The following MYLK3 variants were observed in gnomAD, a reference collection of about 807,000 sequenced individuals.
MYLK3 encodes myosin light chain kinase 3, also known as MLC kinase.
In MYLK3, 55 loss-of-function variants were observed where a neutral mutation model predicts 76.3. The observed-to-expected ratio is 0.72, with a 90% confidence interval of 0.58 to 0.90. MYLK3 has a LOEUF of 0.90. MYLK3 is among the 40% of genes least tolerant of loss of function. The probability of loss-of-function intolerance (pLI) is 0.00; values close to 1 mark genes in which losing one functional copy is unlikely to be tolerated. For missense variants in MYLK3, 973 were observed against 1,053.6 expected (o/e 0.92, Z 1.06); for synonymous variants, 416 against 425.4 (o/e 0.98, Z 0.27).
At chr16:46,723,775 G>A (rs560330213) in intron 8 of MYLK3, among the ~76,000 whole-genome samples, 5 of 150,286 alleles carry the variant, frequency 3.3e-5, no homozygotes, top group Admixed American at 1.3e-4. Context: ...TCAGCCTCCC[G>A]AGTAGCTGGG....
chr16:46,703,075 T>G lies in MYLK3; in HGVS notation c.*4629A>C, dbSNP rs548491424. 6.6e-6 allele frequency among the ~76,000 whole-genome samples: 1 copy of G among 152,202 alleles called. No homozygotes were observed. The highest frequency in any genetic ancestry group is 1.5e-5 in the Non-Finnish European group (1 of 68,008). On this transcript the variant is annotated 3_prime_UTR_variant, in exon 13 of 13. Coordinates refer to ENST00000394809, the MANE Select transcript of MYLK3 (RefSeq NM_182493.3). ...GTTAAGTTTCTTGCATATCCTACGG[T>G]TTTTTAATGCACATATAAGCATATG...
At position 46,740,520 on chromosome 16, in the gene MYLK3, T is replaced by C. The variant is rs969560142; in HGVS notation, c.478-373A>G. ...AATCATTTAAAAATATATACATAAA[T>C]ATATATATATACATACATATATATA... On this transcript the variant is annotated intron_variant, in intron 1 of 12. Coordinates refer to ENST00000394809, the MANE Select transcript of MYLK3 (RefSeq NM_182493.3). Among the ~76,000 whole-genome samples, 168 of 86,154 alleles carry C rather than the reference T, an allele frequency of 1.9e-3. 1 individual carries two copies. The highest frequency in any genetic ancestry group is 6.4e-3 in the African/African-American group (162 of 25,280). 56.5% of individuals were successfully genotyped at this position (86,154 alleles called of 152,430 possible).
At chr16:46,753,039 G>C (rs893493931), upstream of MYLK3, among the ~76,000 whole-genome samples, 6 of 152,180 alleles carry the variant, frequency 3.9e-5, no homozygotes, top group Admixed American at 2.0e-4. Flanking sequence ...ATTGGTGAAT[G>C]AGTGTTATCA....
intron 1 of MYLK3, 105 bp from the exon 2 acceptor site, chr16:46,740,252 G>T: frequency 1.2e-6 from 1 of 833,386 alleles, no homozygotes; most frequent in Non-Finnish European, 2.0e-6. Context: ...AGGGCATTTA[G>T]ATTACTTCAC....
At chr16:46,740,502 T>G (rs950712507) in intron 1 of MYLK3, among the ~76,000 whole-genome samples, 3 of 146,410 alleles carry the variant, frequency 2.0e-5, no homozygotes, top group African/African-American at 7.5e-5. Flanking sequence ...AATAATCATT[T>G]AAAAATATAT....
intron 1 of MYLK3, among the ~76,000 whole-genome samples, chr16:46,744,584 C>G (rs1966990530): frequency 6.6e-6 from 1 of 150,504 alleles, no homozygotes; most frequent in Non-Finnish European, 1.5e-5. Context: ...TCAGGTGATC[C>G]CCCCACCTCG....
At chr16:46,732,984 T>C (rs1966855852) in intron 3 of MYLK3, among the ~76,000 whole-genome samples, 1 of 152,110 alleles carries the variant, frequency 6.6e-6, no homozygotes, top group African/African-American at 2.4e-5. Context: ...CTGGGCCCAG[T>C]TTCCCTTTCA....
Position 46,741,037 on chromosome 16 carries a change from T to C in MYLK3, c.478-890A>G, listed in dbSNP as rs77394251. ...TGGTCACCTCTTTACAGTGTAGCAGTGTAGCCAGGGGCATGGACTCTGGAG... is the reference window on the plus strand; with the variant it reads ...TGGTCACCTCTTTACAGTGTAGCAGCGTAGCCAGGGGCATGGACTCTGGAG... On this transcript the variant is annotated intron_variant, in intron 1 of 12. Coordinates refer to ENST00000394809, the MANE Select transcript of MYLK3 (RefSeq NM_182493.3). 1.9e-4 allele frequency among the ~76,000 whole-genome samples: 29 copies of C among 152,334 alleles called. No homozygotes were observed. In the East Asian group the frequency reaches 5.6e-3, roughly 29 times the overall value.
chr16:46,751,049 T>C (rs906076552), upstream of MYLK3, among the ~76,000 whole-genome samples: 1 of 151,950 alleles, frequency 6.6e-6, no homozygotes, highest in African/African-American at 2.4e-5. Flanking sequence ...GCCAGAAAGA[T>C]AACTTCAAAG....
Position 46,710,784 on chromosome 16 carries a change from C to G in MYLK3, c.2120G>C (p.Ser707Thr). 6.2e-7 allele frequency: 1 copy of G among 1,614,070 alleles called. No homozygotes were observed. Among genetic ancestry groups the G allele is most frequent in the Non-Finnish European group, 8.5e-7 (1 of 1,180,026 alleles). Residue 707 changes from serine (S) to threonine (T), a missense_variant, in exon 11 of 13, where the codon AGT (serine) becomes ACT (threonine). By Grantham distance (58) the Ser-to-Thr change is moderately conservative (BLOSUM62 1). Around this residue, in one of 2 missense-constraint regions of MYLK3, gnomAD observed 332 missense variants for 416.6 expected, o/e 0.80. Coordinates refer to ENST00000394809, the MANE Select transcript of MYLK3 (RefSeq NM_182493.3). ...TTCCCCTAGAAATGGGGACAAGCCA[C>G]TGAGTCTATAGAAGAGAGAAAGGAC... ...SVGVITYMLL[S>T]GLSPFLGETD...
In MYLK3 at chr16:46,707,589, A is replaced by C; in HGVS notation, c.*115T>G. ...GCAGCAGCCATAACCATTTTTACAA[A>C]ATAAGTGGAATCAATAATACCAAAA... On this transcript the variant is annotated 3_prime_UTR_variant, in exon 13 of 13. Transcript: ENST00000394809. 1 of 658,356 alleles carries C rather than the reference A, an allele frequency of 1.5e-6. No individual in the cohort carries two copies. 40.8% of individuals were successfully genotyped at this position (658,356 alleles called of 1,614,324 possible).
upstream of MYLK3, among the ~76,000 whole-genome samples, chr16:46,752,137 C>T (rs1339006478): frequency 6.6e-6 from 1 of 152,066 alleles, no homozygotes; most frequent in Non-Finnish European, 1.5e-5. Context: ...TAGGGTGGGG[C>T]CAGCACGCAC....
At chr16:46,762,173 A>G (rs533424609) in intron 1 of MYLK3, among the ~76,000 whole-genome samples, 68 of 152,356 alleles carry the variant, frequency 4.5e-4, no homozygotes, top group South Asian at 2.5e-3. Flanking sequence ...AGGATATGCA[A>G]TGCTCTTCCA....
At chr16:46,762,603 CAT>C (rs1471736875) in intron 1 of MYLK3, among the ~76,000 whole-genome samples, 4 of 152,352 alleles carry the variant, frequency 2.6e-5, no homozygotes, top group South Asian at 2.1e-4. Flanking sequence ...AGAAATCACA[CAT>C]GTCACGGGGA....
chr16:46,751,888 C>T (rs1179531507), upstream of MYLK3, among the ~76,000 whole-genome samples: 1 of 152,182 alleles, frequency 6.6e-6, no homozygotes, highest in Non-Finnish European at 1.5e-5. Flanking sequence ...GGGGATGCTT[C>T]TCTCTAACTC....
intron 1 of MYLK3, among the ~76,000 whole-genome samples, chr16:46,746,714 T>G (rs750042672): frequency 1.3e-5 from 2 of 152,208 alleles, no homozygotes; most frequent in Admixed American, 1.3e-4. Flanking sequence ...CATCAGCCAC[T>G]GCACCCAGCA....
At chr16:46,760,682 C>T (rs1967264960) in intron 1 of MYLK3, among the ~76,000 whole-genome samples, 1 of 152,200 alleles carries the variant, frequency 6.6e-6, no homozygotes, top group Non-Finnish European at 1.5e-5. Flanking sequence ...CTCAGTCTAC[C>T]CCTACCCTCT....
chr16:46,731,737 C>G (rs891213271), intron 4 of MYLK3, among the ~76,000 whole-genome samples: 8 of 152,180 alleles, frequency 5.3e-5, no homozygotes, highest in African/African-American at 1.9e-4. Flanking sequence ...AGAGCCTTCT[C>G]TCTCTCAATC....
intron 3 of MYLK3, among the ~76,000 whole-genome samples, chr16:46,734,840 C>G (rs1029262763): frequency 6.6e-6 from 1 of 152,100 alleles, no homozygotes; most frequent in African/African-American, 2.4e-5. Flanking sequence ...TGAGTGTACA[C>G]TTTTAAAAGG....
Sources: gnomAD v4.1 joint callset for allele counts (sites outside exome capture counted in the v4.1 genomes callset) on GRCh38, gnomAD v4.1.1 for gene constraint, gnomAD v4.1.1 regional missense constraint, MANE v1.5 for transcripts, NCBI Gene and HGNC (gene_info 2026-07-23, HGNC 2026-07-21) for gene names.